DCX: variants seen among roughly 807,000 people sequenced by gnomAD.
DCX encodes the protein doublecortin, also known as neuronal migration protein doublecortin.
Under a neutral mutation model 20.9 loss-of-function variants are expected in DCX, and 4 were observed. The ratio of observed to expected loss-of-function variants is 0.19; its 90% CI spans 0.09 to 0.44. The LOEUF (loss-of-function observed/expected upper bound fraction) is 0.44, where lower values mean the gene tolerates loss of function less well. Among genes scored for constraint, DCX ranks in the 20% least tolerant of loss-of-function variants. The probability of loss-of-function intolerance (pLI) is 0.99; values close to 1 mark genes in which losing one functional copy is unlikely to be tolerated. For synonymous variants in DCX, 103 were observed against 111.4 expected (o/e 0.92, Z 0.47); for missense variants, 133 against 296.9 (o/e 0.45, Z 4.06).
intron 3 of DCX, among the ~76,000 whole-genome samples, chrX:111,353,368 G>A (rs1419150052): frequency 8.9e-6 from 1 of 111,750 alleles, no homozygotes; most frequent in African/African-American, 3.2e-5. Context: ...AAGAAATAGT[G>A]CATATAAAAT....
At chrX:111,335,708 G>A (rs1056955602) in intron 3 of DCX, among the ~76,000 whole-genome samples, 1 of 112,278 alleles carries the variant, frequency 8.9e-6, no homozygotes, top group African/African-American at 3.2e-5. Flanking sequence ...AGCACTTTGG[G>A]AGGCCAAGGC....
At chrX:111,340,672 A>G (rs2147651197) in intron 3 of DCX, among the ~76,000 whole-genome samples, 1 of 111,584 alleles carries the variant, frequency 9.0e-6, no homozygotes, top group South Asian at 3.8e-4. Flanking sequence ...GAAGGAAGAG[A>G]CACCCATCTT....
chrX:111,398,641 G>C (rs1927529201), intron 3 of DCX, among the ~76,000 whole-genome samples: 1 of 112,112 alleles, frequency 8.9e-6, no homozygotes. Flanking sequence ...GTTTGAGAGA[G>C]CTTGCCACTC....
chrX:111,316,469 A>T (rs1182315399), intron 5 of DCX, among the ~76,000 whole-genome samples: 1 of 110,793 alleles, frequency 9.0e-6, no homozygotes, highest in Non-Finnish European at 1.9e-5. Flanking sequence ...TGACCTCATG[A>T]TCCTCCTGCC....
chrX:111,310,690 T>A (rs181246092), intron 6 of DCX, among the ~76,000 whole-genome samples: 5 of 112,439 alleles, frequency 4.4e-5, no homozygotes, highest in African/African-American at 1.6e-4. Flanking sequence ...AAAAGAGTAA[T>A]TTTAAAAATA....
chrX:111,398,190 A>G (rs776199556), intron 3 of DCX, among the ~76,000 whole-genome samples: 4 of 110,003 alleles, frequency 3.6e-5, no homozygotes, highest in African/African-American at 1.3e-4. Context: ...GAGGCCCCCT[A>G]TCTCTTCTGA....
At chrX:111,401,489 T>A (rs1927788634) in intron 2 of DCX, among the ~76,000 whole-genome samples, 159 bp from the exon 3 acceptor site, 1 of 112,135 alleles carries the variant, frequency 8.9e-6, no homozygotes, top group South Asian at 3.7e-4. Context: ...AAAACTTGGC[T>A]CATCCAAATT....
chrX:111,321,075 T>C (rs770611039), intron 5 of DCX, among the ~76,000 whole-genome samples: 1 of 111,372 alleles, frequency 9.0e-6, no homozygotes, highest in Non-Finnish European at 1.9e-5. Flanking sequence ...GAGAAAGTAA[T>C]GAAAAGAAGA....
chrX:111,297,386 T>C lies in DCX; in HGVS notation c.*4301A>G. 1 of 111,605 alleles carries C rather than the reference T, an allele frequency of 9.0e-6. No individual in the cohort carries two copies. Among genetic ancestry groups the C allele is most frequent in the South Asian group, 3.8e-4 (1 of 2,616 alleles). The allele number at this position is 111,605 out of a possible 1,213,427, so 9.2% of individuals were successfully genotyped here. A position where few individuals can be genotyped will look rare whatever the true frequency, so the allele number is the denominator to read the frequency against. ...CCTAGGGATATGGATTTTTAAAAAA[T>C]AAAAGCCATTTAGAATCAAATGTGC... is the stretch of plus-strand genomic sequence containing the variant. On this transcript the variant is annotated 3_prime_UTR_variant, in exon 7 of 7. Transcript: ENST00000636035.
chrX:111,370,787 A>G (rs1036196613), intron 3 of DCX, among the ~76,000 whole-genome samples: 8 of 111,177 alleles, frequency 7.2e-5, no homozygotes, highest in Non-Finnish European at 1.3e-4. Flanking sequence ...GCTTTAAAAA[A>G]AAAAAAATAC....
At chrX:111,332,037 C>T (rs1278854575) in intron 4 of DCX, among the ~76,000 whole-genome samples, 2 of 112,513 alleles carry the variant, frequency 1.8e-5, no homozygotes, top group African/African-American at 6.5e-5. Flanking sequence ...CCTTTAAACA[C>T]TTTCTTGTTG....
chrX:111,380,733 G>A (rs1243803178), intron 3 of DCX, among the ~76,000 whole-genome samples: 2 of 110,128 alleles, frequency 1.8e-5, no homozygotes. Context: ...TGAATCAGTA[G>A]GTCAATTTGG....
intron 3 of DCX, among the ~76,000 whole-genome samples, chrX:111,362,203 T>C (rs1225279717): frequency 1.8e-5 from 2 of 111,470 alleles, no homozygotes; most frequent in African/African-American, 6.5e-5. Context: ...AAAAAACCAT[T>C]GCTTGAGTTC....
At chrX:111,340,981 C>T (rs1922175224) in intron 3 of DCX, among the ~76,000 whole-genome samples, 1 of 110,696 alleles carries the variant, frequency 9.0e-6, no homozygotes, top group Non-Finnish European at 1.9e-5. Flanking sequence ...TCCTCTTCTC[C>T]AAATGTCTCT....
intron 3 of DCX, among the ~76,000 whole-genome samples, chrX:111,369,361 C>A (rs977047642): frequency 1.8e-5 from 2 of 111,530 alleles, no homozygotes; most frequent in Admixed American, 1.9e-4. Flanking sequence ...TTATACAATT[C>A]CATGGATTTT....
chrX:111,312,498 G>A (rs1001312938), intron 6 of DCX, 141 bp downstream of exon 6: 64 of 536,097 alleles, frequency 1.2e-4, no homozygotes, highest in Non-Finnish European at 1.8e-4. Context: ...GCTTGGATTC[G>A]CAGAACTTCA....
chrX:111,387,451 C>A (rs1429493200), intron 3 of DCX, among the ~76,000 whole-genome samples: 2 of 111,490 alleles, frequency 1.8e-5, no homozygotes, highest in Non-Finnish European at 3.8e-5. Context: ...GGTAGGATGA[C>A]CTGCTAGAGA....
At chrX:111,308,912 G>T (rs1375914058) in intron 6 of DCX, among the ~76,000 whole-genome samples, 1 of 108,348 alleles carries the variant, frequency 9.2e-6, no homozygotes, top group African/African-American at 3.4e-5. Context: ...CTTCAAAGGG[G>T]ATCCTTAATA....
chrX:111,384,007 G>C (rs752469142), intron 3 of DCX, among the ~76,000 whole-genome samples: 4 of 111,467 alleles, frequency 3.6e-5, no homozygotes, highest in African/African-American at 1.3e-4. Flanking sequence ...TTAAAGGACG[G>C]CTGAAGTTCA....
Sources: allele counts gnomAD v4.1 joint callset (sites outside exome capture counted in the v4.1 genomes callset), GRCh38; gene constraint gnomAD v4.1.1; transcripts MANE v1.5; gene names NCBI Gene and HGNC (gene_info 2026-07-23, HGNC 2026-07-21).